The following PSEN1 variants were observed in gnomAD, a reference collection of about 807,000 sequenced individuals.
The protein encoded by PSEN1 is presenilin 1.
PSEN1 carries 15 observed loss-of-function variants against 53.5 expected under a neutral mutation model. The observed-to-expected ratio is 0.28, with a 90% confidence interval of 0.19 to 0.43. The LOEUF is 0.43. Among genes scored for constraint, PSEN1 ranks in the 20% least tolerant of loss-of-function variants. The pLI, the probability that PSEN1 is intolerant of heterozygous loss-of-function variation, is 1.00. For missense variants in PSEN1, 387 were observed against 571.2 expected (o/e 0.68, Z 3.29); for synonymous variants, 208 against 209.8 (o/e 0.99, Z 0.08).
chr14:73,136,492 C>A (rs962603028), upstream of PSEN1: 1 of 152,904 alleles, frequency 6.5e-6, no homozygotes, highest in Non-Finnish European at 1.5e-5. Context: ...GCTCCGGGGT[C>A]CGCGGTTTCA....
rs1263984845 is a variant in PSEN1, at chr14:73,216,175, TAA to T, written c.1130-948_1130-947del. Among the ~76,000 whole-genome samples, 8 of 152,236 alleles carry T rather than the reference TAA, an allele frequency of 5.3e-5. No individual in the cohort carries two copies. The East Asian group carries it at 1.4e-3, about 26-fold the overall frequency. ...TAAACCTCAAAAACATTATATTAAG[TAA>T]AATAGGCGAGGCATGTATTGTATGA... On this transcript the variant is annotated intron_variant, in intron 10 of 11. Transcript: ENST00000324501.
chr14:73,145,759 A>T (rs577412933), intron 1 of PSEN1, among the ~76,000 whole-genome samples: 1 of 152,340 alleles, frequency 6.6e-6, no homozygotes, highest in African/African-American at 2.4e-5. Context: ...TCTAAACTGA[A>T]CTGTCATCAG....
At chr14:73,193,216 G>A (rs1443667832) in intron 7 of PSEN1, among the ~76,000 whole-genome samples, 6 of 151,998 alleles carry the variant, frequency 3.9e-5, no homozygotes, top group Non-Finnish European at 8.8e-5. Context: ...AGGCTGAGGT[G>A]GGAGGATCGA....
intron 5 of PSEN1, among the ~76,000 whole-genome samples, chr14:73,180,599 T>A (rs1245537841): frequency 6.6e-6 from 1 of 152,264 alleles, no homozygotes; most frequent in Non-Finnish European, 1.5e-5. Context: ...GGAAAGGCAG[T>A]TAATTATTAT....
At chr14:73,218,076 C>G (rs1185708438) in intron 11 of PSEN1, among the ~76,000 whole-genome samples, 2 of 149,360 alleles carry the variant, frequency 1.3e-5, no homozygotes, top group Admixed American at 1.3e-4. Context: ...GCGTGAGCCA[C>G]CGCACCTGGC....
At chr14:73,151,916 T>A (rs1392914991) in intron 3 of PSEN1, among the ~76,000 whole-genome samples, 4 of 107,780 alleles carry the variant, frequency 3.7e-5, no homozygotes, top group Non-Finnish European at 5.5e-5. Flanking sequence ...TTTTTTTTTT[T>A]TTTTTTTTTT....
At chr14:73,209,409 C>T (rs1594752779) in intron 9 of PSEN1, among the ~76,000 whole-genome samples, 1 of 152,176 alleles carries the variant, frequency 6.6e-6, no homozygotes, top group Non-Finnish European at 1.5e-5. Flanking sequence ...TTGTGTTAAC[C>T]TGTGTTAAGC....
chr14:73,146,414 A>G (rs1897073051), intron 1 of PSEN1, among the ~76,000 whole-genome samples: 1 of 151,580 alleles, frequency 6.6e-6, no homozygotes, highest in Non-Finnish European at 1.5e-5. Context: ...CTGATCTGCA[A>G]CTCCTGGCCT....
chr14:73,150,654 T>C (rs977631548), intron 3 of PSEN1, among the ~76,000 whole-genome samples: 2 of 149,828 alleles, frequency 1.3e-5, no homozygotes, highest in Admixed American at 1.4e-4. Context: ...TAATCCCAGC[T>C]ACTCCAGAAA....
In PSEN1 at chr14:73,179,991, AT is replaced by A. The variant is rs751321652; in HGVS notation, c.480+6295del. ...TTTTATCCATCCTTCATTTTATTTT[AT>A]TTTTTTTTTTGAGACGGAGTCTCAG... On this transcript the variant is annotated intron_variant, in intron 5 of 11. Coordinates refer to ENST00000324501, the MANE Select transcript of PSEN1 (RefSeq NM_000021.4). Among the ~76,000 whole-genome samples the A allele has an allele frequency of 2.2e-3, 332 of 148,008 alleles. 2 individuals carry two copies. Among genetic ancestry groups the A allele is most frequent in the African/African-American group, 7.6e-3 (307 of 40,508 alleles).
At chr14:73,181,579 T>G (rs1757257534) in intron 5 of PSEN1, among the ~76,000 whole-genome samples, 1 of 152,184 alleles carries the variant, frequency 6.6e-6, no homozygotes, top group African/African-American at 2.4e-5. Context: ...GGAAACATAG[T>G]GAGACCCCAG....
Position 73,147,888 on chromosome 14 carries a change from CT to C in PSEN1, c.-54+14del. 1 of 755,180 alleles carries C rather than the reference CT, an allele frequency of 1.3e-6. No homozygotes were observed. Among genetic ancestry groups the C allele is most frequent in the Non-Finnish European group, 2.3e-6 (1 of 435,182 alleles). 46.8% of individuals were successfully genotyped at this position (755,180 alleles called of 1,614,324 possible). On this transcript the variant is annotated intron_variant, in intron 2 of 11. Coordinates refer to ENST00000324501, the MANE Select transcript of PSEN1 (RefSeq NM_000021.4). ...CACATGAAAGAAAGGTTTGTTTCTG[CT>C]TAATGTAATCTATGAAAGTGTTTTT...
intron 9 of PSEN1, 88 bp from the exon 10 acceptor site, chr14:73,211,681 G>A: frequency 2.1e-6 from 3 of 1,429,620 alleles, no homozygotes; most frequent in Non-Finnish European, 2.9e-6. Context: ...TAGTTACAAT[G>A]ACAGCTAGTT....
intron 5 of PSEN1, among the ~76,000 whole-genome samples, chr14:73,180,391 A>G (rs746365175): frequency 7.2e-5 from 11 of 152,330 alleles, no homozygotes; most frequent in Non-Finnish European, 1.2e-4. Context: ...CTTAGCACAC[A>G]CAAACAATTA....
intron 9 of PSEN1, among the ~76,000 whole-genome samples, chr14:73,209,533 T>C (rs973087526): frequency 5.3e-5 from 8 of 152,230 alleles, no homozygotes; most frequent in Admixed American, 2.0e-4. Flanking sequence ...GACTATGTGC[T>C]AGGCCCTGGG....
At chr14:73,137,676 A>T (rs1896784033) in intron 1 of PSEN1, among the ~76,000 whole-genome samples, 1 of 152,212 alleles carries the variant, frequency 6.6e-6, no homozygotes, top group Non-Finnish European at 1.5e-5. Flanking sequence ...CAGGGTCGCC[A>T]GAGCTGAGGA....
At chr14:73,196,406 A>G (rs751038491) in intron 7 of PSEN1, among the ~76,000 whole-genome samples, 17 of 147,782 alleles carry the variant, frequency 1.2e-4, no homozygotes, top group Non-Finnish European at 1.9e-4. Flanking sequence ...TTATAGTTCT[A>G]TATATACTAT....
At chr14:73,158,007 A>ACT (rs1897412105) in intron 3 of PSEN1, among the ~76,000 whole-genome samples, 2 of 150,004 alleles carry the variant, frequency 1.3e-5, no homozygotes, top group Non-Finnish European at 3.0e-5. Flanking sequence ...AAACATACAG[A>ACT]CTCTTGTCTG....
At chr14:73,146,531 A>G (rs1194064467) in intron 1 of PSEN1, among the ~76,000 whole-genome samples, 1 of 152,174 alleles carries the variant, frequency 6.6e-6, no homozygotes, top group Non-Finnish European at 1.5e-5. Context: ...AGGGGAGGAG[A>G]AAGATGGACA....
Sources: allele counts gnomAD v4.1 joint callset (sites outside exome capture counted in the v4.1 genomes callset), GRCh38; gene constraint gnomAD v4.1.1; transcripts MANE v1.5; gene names NCBI Gene and HGNC (gene_info 2026-07-23, HGNC 2026-07-21).